Variants in PKD1 observed in about 807,000 individuals in gnomAD.
PKD1 encodes polycystin 1, transient receptor potential channel interacting.
In PKD1, 81 loss-of-function variants were observed where a neutral mutation model predicts 361.7. That is an observed-to-expected ratio of 0.22 (90% confidence interval 0.19 to 0.27). PKD1 has a LOEUF of 0.27. Among genes scored for constraint, PKD1 ranks in the 10% least tolerant of loss-of-function variants. The probability of loss-of-function intolerance (pLI) is 1.00; values close to 1 mark genes in which losing one functional copy is unlikely to be tolerated. For missense variants in PKD1, 6,399 were observed against 6,118.3 expected (o/e 1.05, Z -1.53); for synonymous variants, 3,615 against 2,818.3 (o/e 1.28, Z -8.95).
intron 23 of PKD1, 35 bp downstream of exon 23, chr16:2,103,231 C>T (rs2092174711): frequency 3.1e-6 from 5 of 1,603,888 alleles, no homozygotes; most frequent in South Asian, 1.1e-5. Context: ...AGAACAAGGC[C>T]AGGGGGCCGC....
Position 2,088,879 on chromosome 16 carries a change from G to GCA in PKD1, c.*847_*848insTG, listed in dbSNP as rs1371941622. On this transcript the variant is annotated 3_prime_UTR_variant, in exon 46 of 46. Transcript: ENST00000262304. The stretch of plus-strand genomic sequence containing the variant: ...ATACAGCACACTCGCGCGTGCGCGC[G>GCA]CGCACACACACACACACACAGTCAC... 1.2e-3 allele frequency: 577 copies of GCA among 469,658 alleles called. 4 individuals are homozygous for GCA. In the African/African-American group the frequency reaches 0.015, roughly 12 times the overall value. The allele number at this position is 469,658 out of a possible 1,614,324, so 29.1% of individuals were successfully genotyped here. A position where few individuals can be genotyped will look rare whatever the true frequency, so the allele number is the denominator to read the frequency against.
chr16:2,104,271 G>GA (rs1252715366), intron 22 of PKD1, among the ~76,000 whole-genome samples: 2 of 66,050 alleles, frequency 3.0e-5, no homozygotes, highest in Non-Finnish European at 3.1e-5. Flanking sequence ...GGAGGACGGG[G>GA]GGGGAAATGG....
intron 12 of PKD1, 59 bp from the exon 13 acceptor site, chr16:2,113,022 C>T (rs1225888859): frequency 2.0e-5 from 30 of 1,509,772 alleles, no homozygotes; most frequent in African/African-American, 4.1e-5. Context: ...CCCTGATTGG[C>T]GTCCCTCCCT....
rs779789301 is a variant in PKD1 at position 2,112,018 on chromosome 16, G to A, written c.3296-147C>T. The stretch of plus-strand genomic sequence containing the variant: ...GGTCCCAGGCTCCCAAGCCACGTGC[G>A]GGACGGAGCACAGGTGTAGCAGCAC... On this transcript the variant is annotated intron_variant, in intron 14 of 45. Transcript: ENST00000262304. 16 of 859,122 alleles carry A rather than the reference G, an allele frequency of 1.9e-5. No homozygotes were observed. The East Asian group carries it at 2.4e-4, about 13-fold the overall frequency. The allele number at this position is 859,122 out of a possible 1,614,324, so 53.2% of individuals were successfully genotyped here.
intron 1 of PKD1, chr16:2,135,209 G>A: frequency 1.0e-6 from 1 of 982,878 alleles, no homozygotes; most frequent in Non-Finnish European, 1.2e-6. Context: ...TCCCAGCTGA[G>A]CGCGGCCTCC....
At position 2,090,509 on chromosome 16, in the gene PKD1, G is replaced by A. The variant is rs772525046; in HGVS notation, c.12220C>T (p.Leu4074=). The A allele has an allele frequency of 5.0e-6, 8 of 1,611,252 alleles. No individual in the cohort carries two copies. Among genetic ancestry groups the A allele is most frequent in the Admixed American group, 3.3e-5 (2 of 59,898 alleles). The stretch of plus-strand genomic sequence containing the variant: ...AGGTGCCAGGACTCGGCAGGACACA[G>A]GGTAGAGAGCCCAGTCCCAGGGCAC... The part of the protein sequence containing the change: ...VLCPGTGLST[L]CPAESWHLSP... The change falls in exon 45 of 46, where the codon CTG becomes TTG. Residue 4074 remains leucine, a synonymous_variant. Transcript: ENST00000262304.
intron 1 of PKD1, chr16:2,131,897 G>A (rs991188912): frequency 6.6e-6 from 1 of 152,176 alleles, no homozygotes; most frequent in African/African-American, 2.4e-5. Flanking sequence ...ATCACAGCCA[G>A]GTAGAATTCT....
At chr16:2,130,355 G>T (rs2092857219) in intron 1 of PKD1, among the ~76,000 whole-genome samples, 3 of 152,178 alleles carry the variant, frequency 2.0e-5, no homozygotes, top group African/African-American at 7.2e-5. Context: ...GCCCCTTGGG[G>T]ACTCTCTCTG....
In PKD1 at chr16:2,108,408, G is replaced by C. The variant is rs146131839; in HGVS notation, c.6759C>G (p.Pro2253=). The C allele has an allele frequency of 2.5e-6, 4 of 1,610,302 alleles. No individual in the cohort carries two copies. Among genetic ancestry groups the C allele is most frequent in the African/African-American group, 2.7e-5 (2 of 74,854 alleles). ...CCTCAATGATGGGCACCAGGCGCTC[G>C]GGGGCCACCGTCACATTGGCCTGGA... is the stretch of plus-strand genomic sequence containing the variant. ...QSIQANVTVA[P]ERLVPIIEGG... is the part of the protein sequence containing the mutation. Residue 2253 remains proline (P), a synonymous_variant, in exon 15 of 46, where the codon CCC becomes CCG. Coordinates refer to ENST00000262304, the MANE Select transcript of PKD1 (RefSeq NM_001009944.3).
Position 2,109,486 on chromosome 16 carries a change from G to T in PKD1, c.5681C>A (p.Ala1894Asp). The change falls in exon 15 of 46, where the codon GCC (alanine) becomes GAC (aspartate). Residue 1894 changes from alanine (A) to aspartate (D), a missense_variant. Transcript: ENST00000262304. ...CCCGGGCGCCACCACCTTGCTGCTG[G>T]CCCACAGCACCAGGCCCACGATGGG... is the stretch of plus-strand genomic sequence containing the variant. ...EEPIVGLVLW[A>D]SSKVVAPGQL... 1.2e-6 allele frequency: 2 copies of T among 1,609,274 alleles called. No homozygotes were observed. The highest frequency in any genetic ancestry group is 2.2e-5 in the South Asian group (2 of 90,810).
chr16:2,091,145 G>A lies in PKD1; in HGVS notation c.11742C>T (p.Phe3914=), dbSNP rs865778842. The change falls in exon 43 of 46, where the codon TTC becomes TTT. Residue 3914 remains phenylalanine (F), a synonymous_variant. Coordinates refer to ENST00000262304, the MANE Select transcript of PKD1 (RefSeq NM_001009944.3). Reference sequence around the variant, plus strand: ...GCCAAGTACGGGCCTCGGCCACGGCGAAGTGCACGGCGAACAGCAGCAGGC... The same window carrying A: ...GCCAAGTACGGGCCTCGGCCACGGCAAAGTGCACGGCGAACAGCAGCAGGC... ...SVCLLLFAVH[F]AVAEARTWHR... is the part of the protein sequence containing the mutation. 18 of 1,480,510 alleles carry A rather than the reference G, an allele frequency of 1.2e-5. No homozygotes were observed. Among genetic ancestry groups the A allele is most frequent in the South Asian group, 3.8e-5 (3 of 79,106 alleles). The allele number at this position is 1,480,510 out of a possible 1,614,324, so 91.7% of individuals were successfully genotyped here.
intron 15 of PKD1, 62 bp downstream of exon 15, chr16:2,108,190 T>C: frequency 1.3e-6 from 2 of 1,522,864 alleles, no homozygotes; most frequent in East Asian, 4.5e-5. Context: ...AGCTGGGTGT[T>C]CTCTGGGCTC....
rs748798434 is a variant in PKD1, at chr16:2,110,766, C to T, written c.4401G>A (p.Leu1467=). The change falls in exon 15 of 46, where the codon CTG becomes CTA. Residue 1467 remains leucine (L), a synonymous_variant. Transcript: ENST00000262304. ...AGCCATTGACCTTGATGCTGGTGAC[C>T]AGCACGGGCTCCTGCACCTCCACCA... ...SALVEVQEPV[L]VTSIKVNGSL... The T allele has an allele frequency of 1.9e-6, 3 of 1,610,712 alleles. No individual in the cohort carries two copies. The highest frequency in any genetic ancestry group is 1.7e-6 in the Non-Finnish European group (2 of 1,179,814).
intron 1 of PKD1, among the ~76,000 whole-genome samples, chr16:2,125,054 T>C (rs2092777242): frequency 6.6e-6 from 1 of 152,208 alleles, no homozygotes; most frequent in Admixed American, 6.5e-5. Flanking sequence ...CCACCCCCAC[T>C]GCGGCCCCTT....
chr16:2,107,098 C>T lies in PKD1; in HGVS notation c.7066-150G>A, dbSNP rs891346564. 39 of 743,664 alleles carry T rather than the reference C, an allele frequency of 5.2e-5. No homozygotes were observed. In the East Asian group the frequency reaches 6.7e-4, roughly 13 times the overall value. The allele number at this position is 743,664 out of a possible 1,614,324, so 46.1% of individuals were successfully genotyped here. On this transcript the variant is annotated intron_variant, in intron 16 of 45. Transcript: ENST00000262304. ...CTCACTCCCTCCCAGGATACTCATC[C>T]GGTTTGCCACCTTCCAACTTGGACG...
chr16:2,118,524 C>T lies in PKD1; in HGVS notation c.530-62G>A, dbSNP rs1215910097. ...CTCCTGGCTCCACCCCACGCCCCCA[C>T]ATCCGCCCGCCGCACTCACAGGCTC... On this transcript the variant is annotated intron_variant, in intron 4 of 45. Coordinates refer to ENST00000262304, the MANE Select transcript of PKD1 (RefSeq NM_001009944.3). This position sits in a 1 kb window ranked among gnomAD's most constrained non-coding sequence, Gnocchi z 6.0. 1 of 1,402,644 alleles carries T rather than the reference C, an allele frequency of 7.1e-7. No homozygotes were observed. The highest frequency in any genetic ancestry group is 1.4e-5 in the African/African-American group (1 of 70,386). The allele number at this position is 1,402,644 out of a possible 1,614,324, so 86.9% of individuals were successfully genotyped here.
rs2092417442 is a variant in PKD1 at position 2,108,481 on chromosome 16, C to T, written c.6686G>A (p.Cys2229Tyr). ...CCCAAATGACACGACAAACACAAAG[C>T]AGTAGTGCCCCACAGGCAGCGCCAG... The part of the protein sequence containing the change: ...PRLALPVGHY[C>Y]FVFVVSFGDT... The change falls in exon 15 of 46, where the codon TGC (cysteine) becomes TAC (tyrosine). Residue 2229 changes from cysteine to tyrosine, a missense_variant. Physicochemically the swap from Cys to Tyr is radical, Grantham distance 194. Coordinates refer to ENST00000262304, the MANE Select transcript of PKD1 (RefSeq NM_001009944.3). The T allele has an allele frequency of 1.2e-6, 2 of 1,610,288 alleles. No individual in the cohort carries two copies. Among genetic ancestry groups the T allele is most frequent in the East Asian group, 2.2e-5 (1 of 44,892 alleles).
chr16:2,088,872 T>TGCGCGC lies in PKD1; in HGVS notation c.*849_*854dup, dbSNP rs561630495. 18 of 500,402 alleles carry TGCGCGC rather than the reference T, an allele frequency of 3.6e-5. No homozygotes were observed. The highest frequency in any genetic ancestry group is 1.3e-4 in the African/African-American group (6 of 47,598). The allele number at this position is 500,402 out of a possible 1,614,324, so 31.0% of individuals were successfully genotyped here. A position where few individuals can be genotyped will look rare whatever the true frequency, so the allele number is the denominator to read the frequency against. ...CTGGGCCATACAGCACACTCGCGCG[T>TGCGCGC]GCGCGCGCGCACACACACACACACA... is the stretch of plus-strand genomic sequence containing the variant. On this transcript the variant is annotated 3_prime_UTR_variant, in exon 46 of 46. Coordinates refer to ENST00000262304, the MANE Select transcript of PKD1 (RefSeq NM_001009944.3).
chr16:2,094,129 G>C lies in PKD1; in HGVS notation c.10581C>G (p.Asn3527Lys). ...GELGPPSPGL[N>K]WEQPQAARLS... ...GCCTCGCTGCCTGGGGCTGTTCCCA[G>C]TTCAGGCCTGGGCTGGGTGGCCCCA... Residue 3527 changes from asparagine to lysine, a missense_variant, in exon 35 of 46, where the codon AAC (asparagine) becomes AAG (lysine). Coordinates refer to ENST00000262304, the MANE Select transcript of PKD1 (RefSeq NM_001009944.3). 1 of 1,595,578 alleles carries C rather than the reference G, an allele frequency of 6.3e-7. No individual in the cohort carries two copies. Among genetic ancestry groups the C allele is most frequent in the Non-Finnish European group, 8.5e-7 (1 of 1,171,040 alleles).
Sources: allele counts gnomAD v4.1 joint callset (sites outside exome capture counted in the v4.1 genomes callset), GRCh38; gene constraint gnomAD v4.1.1; non-coding constraint Gnocchi (gnomAD v3.1); transcripts MANE v1.5; gene names NCBI Gene and HGNC (gene_info 2026-07-23, HGNC 2026-07-21).